CLOCK: variants seen among roughly 807,000 people sequenced by gnomAD.
The protein encoded by CLOCK is clock circadian regulator, also known as circadian locomoter output cycles protein kaput.
Under a neutral mutation model 118.4 loss-of-function variants are expected in CLOCK, and 43 were observed. The observed-to-expected ratio is 0.36, with a 90% CI of 0.28 to 0.47. The LOEUF is 0.47. Ranked by LOEUF, CLOCK falls within the 20% of genes least tolerant of loss-of-function variation. The probability of loss-of-function intolerance (pLI) is 1.00; values close to 1 mark genes in which losing one functional copy is unlikely to be tolerated. For missense variants in CLOCK, 846 were observed against 999.9 expected, an observed-to-expected ratio of 0.85 and a Z score of 2.08; for synonymous variants, 326 against 339.2, an observed-to-expected ratio of 0.96 and a Z score of 0.43.
rs555106976 is a variant in CLOCK at position 55,469,525 on chromosome 4, G to A, written c.438+1192C>T. 2.6e-5 allele frequency among the ~76,000 whole-genome samples: 4 copies of A among 152,288 alleles called. No homozygotes were observed. The South Asian group carries it at 8.3e-4, about 32-fold the overall frequency. ...GTTTCTCCTGAAGACCCTCCAATGGGACAAGATGTGGAGGTGGAGGACAGT... is the reference window on the plus strand; with the variant it reads ...GTTTCTCCTGAAGACCCTCCAATGGAACAAGATGTGGAGGTGGAGGACAGT... On this transcript the variant is annotated intron_variant, in intron 8 of 22. Coordinates refer to ENST00000513440, the MANE Select transcript of CLOCK (RefSeq NM_004898.4).
Position 55,433,887 on chromosome 4 carries a change from T to C in CLOCK, c.*1528A>G, listed in dbSNP as rs894434209. On this transcript the variant is annotated 3_prime_UTR_variant, in exon 23 of 23. Transcript: ENST00000513440. ...ATAGCCAAATCCCTACCCCTTCTTTTTTCTTTGTAGGAATATCAAGATCAT... is the reference window on the plus strand; with the variant it reads ...ATAGCCAAATCCCTACCCCTTCTTTCTTCTTTGTAGGAATATCAAGATCAT... 1 of 152,222 alleles carries C rather than the reference T, an allele frequency of 6.6e-6. No homozygotes were observed. Among genetic ancestry groups the C allele is most frequent in the Non-Finnish European group, 1.5e-5 (1 of 68,040 alleles). 9.4% of individuals were successfully genotyped at this position (152,222 alleles called of 1,614,324 possible).
intron 1 of CLOCK, among the ~76,000 whole-genome samples, chr4:55,530,893 C>T (rs1730502006): frequency 6.6e-6 from 1 of 151,260 alleles, no homozygotes; most frequent in South Asian, 2.1e-4. Flanking sequence ...CACGGAATAG[C>T]TCAGAATGAC....
At chr4:55,509,442 T>A (rs12508367) in intron 2 of CLOCK, among the ~76,000 whole-genome samples, 2 of 152,070 alleles carry the variant, frequency 1.3e-5, no homozygotes, top group Admixed American at 1.3e-4. Flanking sequence ...TCATGAGTCA[T>A]ACCAAAGCAG....
chr4:55,502,103 AT>A (rs1422074232), intron 2 of CLOCK, among the ~76,000 whole-genome samples: 1 of 152,252 alleles, frequency 6.6e-6, no homozygotes, highest in Admixed American at 6.5e-5. Flanking sequence ...CAACCTTGCA[AT>A]TGATTGGAAG....
chr4:55,460,306 C>T (rs1405663733), intron 9 of CLOCK, among the ~76,000 whole-genome samples: 1 of 152,170 alleles, frequency 6.6e-6, no homozygotes, highest in East Asian at 1.9e-4. Flanking sequence ...TCTTCTGATC[C>T]TAAATCTCTC....
At chr4:55,442,361 G>T in intron 21 of CLOCK, 71 bp downstream of exon 21, 1 of 1,355,478 alleles carries the variant, frequency 7.4e-7, no homozygotes, top group Non-Finnish European at 1.1e-6. Context: ...ATTTGATTAA[G>T]AAATCAAATT....
chr4:55,453,674 T>C lies in CLOCK; in HGVS notation c.1130+3A>G. On this transcript the variant is annotated splice_donor_region_variant and intron_variant, in intron 14 of 22. Transcript: ENST00000513440. Reference sequence around the variant, plus strand: ...TTCAGAAATTCTCTAAAAGAATTATTACCTTACTACAGTGTGAGTACAAAC... The same window carrying C: ...TTCAGAAATTCTCTAAAAGAATTATCACCTTACTACAGTGTGAGTACAAAC... The C allele has an allele frequency of 1.9e-6, 3 of 1,607,360 alleles. No individual in the cohort carries two copies. Among genetic ancestry groups the C allele is most frequent in the Non-Finnish European group, 2.6e-6 (3 of 1,175,336 alleles).
intron 14 of CLOCK, 41 bp downstream of exon 14, chr4:55,453,636 G>A: frequency 6.4e-7 from 1 of 1,563,920 alleles, no homozygotes; most frequent in Non-Finnish European, 8.8e-7. Flanking sequence ...ATCATCATAG[G>A]ATGTTACAGT....
At chr4:55,450,014 G>T in intron 16 of CLOCK, 77 bp downstream of exon 16, 1 of 1,518,958 alleles carries the variant, frequency 6.6e-7, no homozygotes, top group Non-Finnish European at 9.1e-7. Flanking sequence ...AGCGTTTGAT[G>T]AGAAATGCTG....
chr4:55,488,772 G>A lies in CLOCK; in HGVS notation c.-44+602C>T, dbSNP rs537432178. Among the ~76,000 whole-genome samples the A allele has an allele frequency of 9.0e-4, 137 of 152,038 alleles. 1 individual carries two copies. The highest frequency in any genetic ancestry group is 1.6e-3 in the Admixed American group (25 of 15,256). On this transcript the variant is annotated intron_variant, in intron 3 of 22. Coordinates refer to ENST00000513440, the MANE Select transcript of CLOCK (RefSeq NM_004898.4). ...TACACGTAAGACAAGGTCTCACTCT[G>A]TCTCCCAGGCTGGAATGCAGTGACA...
intron 2 of CLOCK, among the ~76,000 whole-genome samples, chr4:55,508,811 C>T (rs2110018093): frequency 6.6e-6 from 1 of 152,246 alleles, no homozygotes; most frequent in Admixed American, 6.5e-5. Flanking sequence ...CCAGGATGGT[C>T]TCGATATCCT....
chr4:55,520,362 C>T (rs1729781991), intron 1 of CLOCK, among the ~76,000 whole-genome samples: 1 of 152,174 alleles, frequency 6.6e-6, no homozygotes, highest in African/African-American at 2.4e-5. Context: ...AATTACAATG[C>T]CAACTGTATC....
At chr4:55,530,184 T>G (rs1264261178) in intron 1 of CLOCK, among the ~76,000 whole-genome samples, 1 of 152,118 alleles carries the variant, frequency 6.6e-6, no homozygotes, top group Non-Finnish European at 1.5e-5. Context: ...AAACACATAA[T>G]TATAAAATTC....
At chr4:55,479,450 T>C (rs998728699) in intron 5 of CLOCK, among the ~76,000 whole-genome samples, 190 bp downstream of exon 5, 1 of 152,190 alleles carries the variant, frequency 6.6e-6, no homozygotes, top group Non-Finnish European at 1.5e-5. Context: ...CAAAGCATAA[T>C]ACTTTTCCAA....
intron 1 of CLOCK, among the ~76,000 whole-genome samples, chr4:55,521,253 CTT>C (rs1247137341): frequency 6.6e-6 from 1 of 152,104 alleles, no homozygotes; most frequent in Non-Finnish European, 1.5e-5. Context: ...GAGTTTCACT[CTT>C]GTTGCCAGGC....
At chr4:55,497,133 G>A (rs1358243991) in intron 2 of CLOCK, among the ~76,000 whole-genome samples, 1 of 152,144 alleles carries the variant, frequency 6.6e-6, no homozygotes, top group Non-Finnish European at 1.5e-5. Flanking sequence ...ATCAAGGTGG[G>A]CTAAAACCGA....
chr4:55,430,250 C>G lies in CLOCK; in HGVS notation c.*5165G>C, dbSNP rs1374862303. Reference sequence around the variant, plus strand: ...GATGGAATTTCACTTAGTTGTCTCTCCATAAACTATATCCTATTCCACTAA... The same window carrying G: ...GATGGAATTTCACTTAGTTGTCTCTGCATAAACTATATCCTATTCCACTAA... On this transcript the variant is annotated 3_prime_UTR_variant, in exon 23 of 23. Coordinates refer to ENST00000513440, the MANE Select transcript of CLOCK (RefSeq NM_004898.4). 1 of 152,122 alleles carries G rather than the reference C, an allele frequency of 6.6e-6. No individual in the cohort carries two copies. Among genetic ancestry groups the G allele is most frequent in the Admixed American group, 6.6e-5 (1 of 15,248 alleles). 9.4% of individuals were successfully genotyped at this position (152,122 alleles called of 1,614,324 possible). A position where few individuals can be genotyped will look rare whatever the true frequency, so the allele number is the denominator to read the frequency against.
intron 1 of CLOCK, among the ~76,000 whole-genome samples, chr4:55,546,166 C>T (rs1038508918): frequency 1.4e-4 from 21 of 152,158 alleles, no homozygotes; most frequent in African/African-American, 5.1e-4. Context: ...CTAGCGGGTC[C>T]CCAGCGAAAG....
chr4:55,462,156 T>G (rs1318877732), intron 9 of CLOCK, among the ~76,000 whole-genome samples: 2 of 152,240 alleles, frequency 1.3e-5, no homozygotes, highest in African/African-American at 2.4e-5. Flanking sequence ...TTTCTGTTCT[T>G]GGAAGCAGAA....
Sources: gnomAD v4.1 joint callset for allele counts (sites outside exome capture counted in the v4.1 genomes callset) on GRCh38, gnomAD v4.1.1 for gene constraint, MANE v1.5 for transcripts, NCBI Gene and HGNC (gene_info 2026-07-23, HGNC 2026-07-21) for gene names.